Variants in OSTN observed in about 807,000 individuals in gnomAD.
The protein encoded by OSTN is osteocrin.
OSTN carries 9 observed loss-of-function variants against 12.0 expected under a neutral mutation model. That is an observed-to-expected ratio of 0.75 (90% CI 0.45 to 1.30). The LOEUF is 1.30. Among genes scored for constraint, OSTN ranks in the 50% most tolerant of loss-of-function variants. The probability of loss-of-function intolerance (pLI) is 0.00; values close to 1 mark genes in which losing one functional copy is unlikely to be tolerated. For missense variants in OSTN, 148 were observed against 152.3 expected (o/e 0.97, Z 0.15); for synonymous variants, 59 against 56.9 (o/e 1.04, Z -0.16).
At chr3:191,259,811 G>C (rs1715763525) in intron 4 of OSTN, among the ~76,000 whole-genome samples, 2 of 150,762 alleles carry the variant, frequency 1.3e-5, no homozygotes, top group Admixed American at 6.6e-5. Flanking sequence ...ATTTAGTCAA[G>C]AGAATTTTGA....
intron 3 of OSTN, among the ~76,000 whole-genome samples, chr3:191,249,690 A>G (rs183079769): frequency 2.4e-3 from 371 of 152,328 alleles, no homozygotes; most frequent in South Asian, 0.012. Flanking sequence ...AAATAACAGA[A>G]AAATAAAATT....
At chr3:191,212,470 T>C in intron 1 of OSTN, 63 bp from the exon 2 acceptor site, 19 of 1,124,464 alleles carry the variant, frequency 1.7e-5, no homozygotes, top group Non-Finnish European at 2.4e-5. Flanking sequence ...TTTTAGGAAC[T>C]TCTGTTTTTT....
At chr3:191,211,415 C>T (rs1476400299) in intron 1 of OSTN, among the ~76,000 whole-genome samples, 1 of 152,136 alleles carries the variant, frequency 6.6e-6, no homozygotes, top group Non-Finnish European at 1.5e-5. Flanking sequence ...GAATGGGGCA[C>T]TAGGTTGATT....
intron 3 of OSTN, among the ~76,000 whole-genome samples, chr3:191,244,555 G>A (rs1357073364): frequency 6.7e-6 from 1 of 148,766 alleles, no homozygotes; most frequent in African/African-American, 2.4e-5. Flanking sequence ...TGCCAGTAAT[G>A]TGTTTTAGAA....
chr3:191,246,730 A>AAGG (rs1431011679), intron 3 of OSTN, among the ~76,000 whole-genome samples: 4 of 148,432 alleles, frequency 2.7e-5, no homozygotes, highest in African/African-American at 9.8e-5. Context: ...GAAGAAGAAG[A>AAGG]AGGAGGAGGA....
chr3:191,204,598 A>G (rs1714226758), intron 1 of OSTN, among the ~76,000 whole-genome samples: 1 of 152,204 alleles, frequency 6.6e-6, no homozygotes, highest in Non-Finnish European at 1.5e-5. Flanking sequence ...CAGTTTCAAT[A>G]AAAAAAGAGA....
At chr3:191,223,442 T>G (rs767982118) in intron 3 of OSTN, among the ~76,000 whole-genome samples, 12 of 152,230 alleles carry the variant, frequency 7.9e-5, no homozygotes, top group Non-Finnish European at 1.5e-4. Flanking sequence ...AGAAAGAGAA[T>G]GTGTTATAGT....
rs1028995988 is a variant in OSTN at position 191,218,617 on chromosome 3, T to C, written c.103-130T>C. On this transcript the variant is annotated intron_variant, in intron 2 of 4. Coordinates refer to ENST00000682035, the MANE Select transcript of OSTN (RefSeq NM_198184.2). ...CAACCTTGACAACAAGCACAAAACT[T>C]TGTCTCAAAAAAATTGTAAGATGTT... 42 of 717,050 alleles carry C rather than the reference T, an allele frequency of 5.9e-5. No homozygotes were observed. In the African/African-American group the frequency reaches 7.5e-4, roughly 13 times the overall value. The allele number at this position is 717,050 out of a possible 1,614,324, so 44.4% of individuals were successfully genotyped here. A position where few individuals can be genotyped will look rare whatever the true frequency, so the allele number is the denominator to read the frequency against.
chr3:191,254,496 A>G (rs537044307), intron 4 of OSTN, among the ~76,000 whole-genome samples: 2 of 152,372 alleles, frequency 1.3e-5, no homozygotes, highest in South Asian at 4.1e-4. Flanking sequence ...CAGGTTAGAA[A>G]AAAATGGAAG....
At chr3:191,211,930 CA>C (rs1249781820) in intron 1 of OSTN, among the ~76,000 whole-genome samples, 12 of 151,766 alleles carry the variant, frequency 7.9e-5, no homozygotes, top group Non-Finnish European at 1.5e-5. Flanking sequence ...ATATATCTTC[CA>C]TTAAGTAATT....
intron 3 of OSTN, among the ~76,000 whole-genome samples, chr3:191,225,589 G>A (rs1415879647): frequency 6.6e-6 from 1 of 152,066 alleles, no homozygotes. Flanking sequence ...GTCCAATAAT[G>A]GTGGACTGGA....
At chr3:191,231,826 G>A (rs1402174788) in intron 3 of OSTN, among the ~76,000 whole-genome samples, 1 of 152,118 alleles carries the variant, frequency 6.6e-6, no homozygotes, top group Non-Finnish European at 1.5e-5. Flanking sequence ...TGTGTCATAT[G>A]TCACTATGGC....
At chr3:191,214,073 A>G (rs952430179) in intron 2 of OSTN, among the ~76,000 whole-genome samples, 1 of 152,308 alleles carries the variant, frequency 6.6e-6, no homozygotes, top group Non-Finnish European at 1.5e-5. Context: ...TTCTTTTTAT[A>G]TGACAAAAGT....
At chr3:191,200,368 T>G (rs1030134206) in intron 1 of OSTN, among the ~76,000 whole-genome samples, 1 of 152,156 alleles carries the variant, frequency 6.6e-6, no homozygotes, top group Admixed American at 6.6e-5. Flanking sequence ...TTTTAACTGA[T>G]TCTTATATAC....
At chr3:191,215,637 T>C (rs1224557030) in intron 2 of OSTN, among the ~76,000 whole-genome samples, 4 of 152,244 alleles carry the variant, frequency 2.6e-5, no homozygotes, top group African/African-American at 9.6e-5. Flanking sequence ...ACAGACCCCA[T>C]GCAAATCAGA....
At chr3:191,211,482 A>G (rs1034005792) in intron 1 of OSTN, among the ~76,000 whole-genome samples, 12 of 152,320 alleles carry the variant, frequency 7.9e-5, no homozygotes, top group African/African-American at 2.2e-4. Flanking sequence ...CATGTTGCAT[A>G]TAAACATTGA....
In OSTN at chr3:191,218,868, T is replaced by A. The variant is rs563138982; in HGVS notation, c.224T>A (p.Val75Glu). 1.9e-6 allele frequency: 3 copies of A among 1,614,118 alleles called. No homozygotes were observed. In the African/African-American group the frequency reaches 4.0e-5, roughly 22 times the overall value. ...GAATTGGTGTCCCTAGAAAATGATG[T>A]GATTGAGACAAAGAAGAAAAGGAGT... ...LDELVSLEND[V>E]IETKKKRSFS... Residue 75 changes from valine to glutamate, a missense_variant, in exon 3 of 5, where the codon GTG (valine) becomes GAG (glutamate). Physicochemically the swap from Val to Glu is moderately radical, Grantham distance 121 (BLOSUM62 -2). Coordinates refer to ENST00000682035, the MANE Select transcript of OSTN (RefSeq NM_198184.2).
intron 1 of OSTN, among the ~76,000 whole-genome samples, chr3:191,205,109 T>C (rs1714238459): frequency 6.6e-6 from 1 of 152,184 alleles, no homozygotes; most frequent in Non-Finnish European, 1.5e-5. Context: ...CAATATTAAA[T>C]ATAAACTTAA....
chr3:191,258,372 A>C (rs1715722794), intron 4 of OSTN, among the ~76,000 whole-genome samples: 1 of 152,190 alleles, frequency 6.6e-6, no homozygotes, highest in African/African-American at 2.4e-5. Context: ...AAATATGAAA[A>C]AAGTGGATGC....
Sources: gnomAD v4.1 joint callset for allele counts (sites outside exome capture counted in the v4.1 genomes callset) on GRCh38, gnomAD v4.1.1 for gene constraint, MANE v1.5 for transcripts, NCBI Gene and HGNC (gene_info 2026-07-23, HGNC 2026-07-21) for gene names.